The following ZEB1 variants were observed in gnomAD, a reference collection of about 807,000 sequenced individuals.
ZEB1 encodes the protein zinc finger E-box-binding homeobox 1.
A neutral mutation model predicts 84.9 loss-of-function variants in ZEB1; 21 were observed. The ratio of observed to expected loss-of-function variants is 0.25; its 90% CI spans 0.18 to 0.36. The LOEUF (loss-of-function observed/expected upper bound fraction) is 0.36, where lower values mean the gene tolerates loss of function less well. ZEB1 is among the 10% of genes least tolerant of loss of function. The probability of loss-of-function intolerance (pLI) is 1.00; values close to 1 mark genes in which losing one functional copy is unlikely to be tolerated. For missense variants in ZEB1, 1,104 were observed against 1,330.2 expected (o/e 0.83, Z 2.65); for synonymous variants, 420 against 471.1 (o/e 0.89, Z 1.41).
intron 2 of ZEB1, among the ~76,000 whole-genome samples, chr10:31,486,993 G>A (rs926707390): frequency 6.6e-6 from 1 of 151,258 alleles, no homozygotes; most frequent in African/African-American, 2.4e-5. Context: ...GTCCAATTGT[G>A]CCAATACTGC....
At chr10:31,424,215 A>G (rs902614898) in intron 1 of ZEB1, among the ~76,000 whole-genome samples, 3 of 152,018 alleles carry the variant, frequency 2.0e-5, no homozygotes, top group African/African-American at 4.8e-5. Context: ...TTGCAAACCA[A>G]TGCCATCATC....
intron 1 of ZEB1, among the ~76,000 whole-genome samples, chr10:31,425,142 G>C (rs992748336): frequency 1.3e-5 from 2 of 151,914 alleles, no homozygotes; most frequent in Admixed American, 1.3e-4. Flanking sequence ...AAAAAGAAGA[G>C]GTGTGTATTT....
At chr10:31,419,508 G>A (rs1172788290) in intron 1 of ZEB1, among the ~76,000 whole-genome samples, 1 of 152,054 alleles carries the variant, frequency 6.6e-6, no homozygotes, top group Non-Finnish European at 1.5e-5. Flanking sequence ...GTGAGTATGG[G>A]GACATCAGTT....
intron 1 of ZEB1, chr10:31,362,796 G>T (rs1564592506): frequency 1.3e-6 from 1 of 744,614 alleles, no homozygotes; most frequent in Non-Finnish European, 2.3e-6. Flanking sequence ...CCAAAGTGCT[G>T]GATTACAGGC....
intron 1 of ZEB1, among the ~76,000 whole-genome samples, chr10:31,332,339 A>G (rs372383044): frequency 1.3e-5 from 2 of 152,314 alleles, no homozygotes; most frequent in African/African-American, 4.8e-5. Context: ...TCAAATCAGT[A>G]AATCAGTGCA....
chr10:31,432,198 A>G (rs2136275193), intron 1 of ZEB1, among the ~76,000 whole-genome samples: 1 of 152,334 alleles, frequency 6.6e-6, no homozygotes, highest in Middle Eastern at 3.4e-3. Context: ...TCTCTATTTT[A>G]TCTAATAGCC....
intron 3 of ZEB1, among the ~76,000 whole-genome samples, chr10:31,500,678 T>C (rs1354349390): frequency 6.6e-6 from 1 of 152,200 alleles, no homozygotes; most frequent in Non-Finnish European, 1.5e-5. Context: ...GATAGAGGAA[T>C]ACGCCTTTTC....
chr10:31,341,194 A>G (rs2039291244), intron 1 of ZEB1, among the ~76,000 whole-genome samples: 1 of 152,142 alleles, frequency 6.6e-6, no homozygotes, highest in Non-Finnish European at 1.5e-5. Context: ...GAAGGGAAAA[A>G]GATTGGAGGC....
chr10:31,504,532 G>T (rs948733956), intron 4 of ZEB1, among the ~76,000 whole-genome samples: 2 of 152,012 alleles, frequency 1.3e-5, no homozygotes, highest in African/African-American at 4.8e-5. Flanking sequence ...TGAATCTGTA[G>T]ATCGCTCTGG....
intron 1 of ZEB1, among the ~76,000 whole-genome samples, chr10:31,405,857 T>C (rs1202529503): frequency 6.6e-6 from 1 of 152,090 alleles, no homozygotes. Context: ...CTCCCACACC[T>C]CAACAGGCCC....
chr10:31,371,628 C>T (rs2045729102), intron 1 of ZEB1, among the ~76,000 whole-genome samples: 1 of 152,146 alleles, frequency 6.6e-6, no homozygotes, highest in Non-Finnish European at 1.5e-5. Flanking sequence ...CTATCCATTT[C>T]TGTGTCTTTA....
intron 1 of ZEB1, among the ~76,000 whole-genome samples, chr10:31,368,572 T>A (rs1026059425): frequency 5.3e-5 from 8 of 152,164 alleles, no homozygotes; most frequent in African/African-American, 1.9e-4. Context: ...TATTGTTTTG[T>A]TGTTTTTTAA....
Position 31,338,592 on chromosome 10 carries a change from A to T in ZEB1, c.58+19300A>T, listed in dbSNP as rs2038708646. ...GGTGCCAGCATATTGTCAGATTATG[A>T]TGAAATAATTATATTATTCCCTTTG... On this transcript the variant is annotated intron_variant, in intron 1 of 8. Coordinates refer to ENST00000424869, the MANE Select transcript of ZEB1 (RefSeq NM_001174096.2). 2.0e-5 allele frequency among the ~76,000 whole-genome samples: 3 copies of T among 152,226 alleles called. No individual in the cohort carries two copies. In the South Asian group the frequency reaches 6.2e-4, roughly 32 times the overall value.
intron 4 of ZEB1, among the ~76,000 whole-genome samples, chr10:31,510,005 G>A (rs1242212729): frequency 6.6e-6 from 1 of 152,100 alleles, no homozygotes; most frequent in Non-Finnish European, 1.5e-5. Flanking sequence ...TATTTCAATA[G>A]GGGAAATTAC....
chr10:31,459,075 C>A (rs1441327429), intron 1 of ZEB1, among the ~76,000 whole-genome samples: 1 of 151,942 alleles, frequency 6.6e-6, no homozygotes, highest in African/African-American at 2.4e-5. Flanking sequence ...TAACATGAAG[C>A]CTATGTTTTA....
chr10:31,412,366 C>T (rs1018273335), intron 1 of ZEB1, among the ~76,000 whole-genome samples: 2 of 152,148 alleles, frequency 1.3e-5, no homozygotes, highest in African/African-American at 2.4e-5. Flanking sequence ...CCCATTAACT[C>T]ATCATTTACA....
chr10:31,481,448 A>G (rs1005157372), intron 2 of ZEB1, among the ~76,000 whole-genome samples: 6 of 152,022 alleles, frequency 3.9e-5, no homozygotes, highest in Non-Finnish European at 7.4e-5. Context: ...GGCTGATTCT[A>G]TATCTAGGGC....
chr10:31,323,871 T>C (rs556125369), intron 1 of ZEB1, among the ~76,000 whole-genome samples: 1 of 152,024 alleles, frequency 6.6e-6, no homozygotes, highest in Non-Finnish European at 1.5e-5. Context: ...AGTACCGTAA[T>C]GGAATAGCCA....
At chr10:31,514,841 A>G (rs1360495531) in intron 6 of ZEB1, 133 bp downstream of exon 6, 2 of 699,312 alleles carry the variant, frequency 2.9e-6, no homozygotes, top group Non-Finnish European at 4.7e-6. Flanking sequence ...ATTGGGAGAA[A>G]TTTTATGTTT....
Sources: allele counts gnomAD v4.1 joint callset (sites outside exome capture counted in the v4.1 genomes callset), GRCh38; gene constraint gnomAD v4.1.1; transcripts MANE v1.5; gene names NCBI Gene and HGNC (gene_info 2026-07-23, HGNC 2026-07-21).